MYO16: variants seen among roughly 807,000 people sequenced by gnomAD.
MYO16 encodes unconventional myosin-XVI.
MYO16 carries 94 observed loss-of-function variants against 205.3 expected under a neutral mutation model. The observed-to-expected ratio is 0.46, with a 90% confidence interval of 0.39 to 0.54. The LOEUF (loss-of-function observed/expected upper bound fraction) is 0.54, where lower values mean the gene tolerates loss of function less well. Among genes scored for constraint, MYO16 ranks in the 20% least tolerant of loss-of-function variants. The probability of loss-of-function intolerance (pLI) is 0.00; values close to 1 mark genes in which losing one functional copy is unlikely to be tolerated. For missense variants in MYO16, 2,315 were observed against 2,387.5 expected (o/e 0.97, Z 0.63); for synonymous variants, 988 against 954.0 (o/e 1.04, Z -0.66).
At chr13:109,066,969 C>T (rs1053189063) in intron 27 of MYO16, among the ~76,000 whole-genome samples, 1 of 152,184 alleles carries the variant, frequency 6.6e-6, no homozygotes, top group Non-Finnish European at 1.5e-5. Flanking sequence ...GGTATGATCC[C>T]CCATAACAGC....
At position 109,127,272 on chromosome 13, in the gene MYO16, T is replaced by TC; in HGVS notation, c.3783-5dup. 6.4e-7 allele frequency: 1 copy of TC among 1,558,042 alleles called. No individual in the cohort carries two copies. Among genetic ancestry groups the TC allele is most frequent in the Non-Finnish European group, 8.7e-7 (1 of 1,147,144 alleles). On this transcript the variant is annotated splice_polypyrimidine_tract_variant and intron_variant, in intron 30 of 34. Coordinates refer to ENST00000457511, the MANE Select transcript of MYO16 (RefSeq NM_001198950.3). This position sits in a 1 kb window ranked among gnomAD's most constrained non-coding sequence, Gnocchi z 4.2. The stretch of plus-strand genomic sequence containing the variant: ...GGCGTGGTGCTGTTTGTGTTTTGTT[T>TC]CCCCCTAAGAACCGATGACAAGAGT...
the MYO16 span, among the ~76,000 whole-genome samples, chr13:108,584,149 T>C: frequency 6.6e-5 from 10 of 152,044 alleles, no homozygotes; most frequent in Non-Finnish European, 1.0e-4. Context: ...GAGACGAGTT[T>C]TCACCGGGTT....
At chr13:108,952,199 A>G (rs1020411181) in intron 16 of MYO16, among the ~76,000 whole-genome samples, 4 of 152,292 alleles carry the variant, frequency 2.6e-5, no homozygotes, top group Middle Eastern at 3.4e-3. Context: ...TAAAATTTCT[A>G]TGGAATTGGA....
the MYO16 span, among the ~76,000 whole-genome samples, chr13:108,568,118 A>G: frequency 6.6e-6 from 1 of 152,120 alleles, no homozygotes; most frequent in Non-Finnish European, 1.5e-5. Context: ...CAGTTGATGG[A>G]CATTTGTGTT....
At position 108,994,461 on chromosome 13, in the gene MYO16, T is replaced by C. The variant is rs1165140958; in HGVS notation, c.2442+2013T>C. ...AATCTCATCTTATGATAAGTACAAA[T>C]CTCATCTTTTGACGAGTGCAAATTT... On this transcript the variant is annotated intron_variant, in intron 21 of 34. Transcript: ENST00000457511. Among the ~76,000 whole-genome samples the C allele has an allele frequency of 2.0e-5, 3 of 152,154 alleles. 1 individual carries two copies. The highest frequency in any genetic ancestry group is 6.5e-5 in the Admixed American group (1 of 15,274).
At chr13:108,865,535 A>G (rs1305769499) in intron 11 of MYO16, among the ~76,000 whole-genome samples, 2 of 150,538 alleles carry the variant, frequency 1.3e-5, no homozygotes, top group Admixed American at 6.6e-5. Flanking sequence ...TTTTTAGTCT[A>G]TATGTTTAGG....
At chr13:108,821,458 G>C (rs1875966638) in intron 8 of MYO16, among the ~76,000 whole-genome samples, 1 of 152,104 alleles carries the variant, frequency 6.6e-6, no homozygotes, top group East Asian at 1.9e-4. Flanking sequence ...AACTATATTA[G>C]TATGCTAATG....
chr13:108,893,264 A>G (rs1443522568), intron 14 of MYO16, among the ~76,000 whole-genome samples: 5 of 152,254 alleles, frequency 3.3e-5, no homozygotes, highest in African/African-American at 9.6e-5. Flanking sequence ...AAATCTTTAT[A>G]AAATTAGAGG....
At chr13:109,023,345 A>C (rs937716253) in intron 23 of MYO16, among the ~76,000 whole-genome samples, 89 of 67,136 alleles carry the variant, frequency 1.3e-3, no homozygotes, top group Non-Finnish European at 1.9e-3. Context: ...ATATATATTT[A>C]TATATTATAC....
At chr13:109,017,869 C>A (rs1387738933) in intron 22 of MYO16, among the ~76,000 whole-genome samples, 2 of 151,998 alleles carry the variant, frequency 1.3e-5, no homozygotes, top group East Asian at 1.9e-4. Context: ...TTCGTCTAAT[C>A]TTTTTTCAAG....
chr13:108,665,684 A>C (rs551980359), intron 1 of MYO16, among the ~76,000 whole-genome samples: 1 of 152,324 alleles, frequency 6.6e-6, no homozygotes, highest in Non-Finnish European at 1.5e-5. Context: ...CATTTGTTTT[A>C]TTACCACAGA....
the MYO16 span, among the ~76,000 whole-genome samples, chr13:108,523,299 C>T: frequency 1.3e-5 from 2 of 152,298 alleles, no homozygotes; most frequent in African/African-American, 4.8e-5. Context: ...TTGCACTTTT[C>T]CTGAATTTCC....
intron 10 of MYO16, among the ~76,000 whole-genome samples, chr13:108,845,052 A>G (rs1433231710): frequency 3.3e-5 from 5 of 152,060 alleles, no homozygotes; most frequent in Admixed American, 3.3e-4. Flanking sequence ...CAATTAATGT[A>G]TTTTATTATG....
chr13:108,945,660 C>T (rs560629919), intron 16 of MYO16, among the ~76,000 whole-genome samples: 8 of 151,954 alleles, frequency 5.3e-5, no homozygotes, highest in Non-Finnish European at 8.8e-5. Flanking sequence ...GTTTTATTTA[C>T]TTTATGAGTC....
At chr13:109,119,044 A>C (rs929399158) in intron 28 of MYO16, among the ~76,000 whole-genome samples, 9 of 147,198 alleles carry the variant, frequency 6.1e-5, no homozygotes, top group Non-Finnish European at 1.2e-4. Flanking sequence ...AATCTTTGGC[A>C]AAACTGTGTT....
rs747487216 is a variant in MYO16, at chr13:109,140,984, C to G, written c.4772C>G (p.Pro1591Arg). Residue 1591 changes from proline to arginine, a missense_variant, in exon 32 of 35, where the codon CCG becomes CGG. Pro to Arg is a moderately radical substitution (Grantham distance 103, BLOSUM62 -2). This residue lies in a region of MYO16 where 1,097 missense variants were observed against 1,092.0 expected (regional missense o/e 1.00). Transcript: ENST00000457511. The surrounding 1 kb of genome is among the most constrained non-coding windows in gnomAD (Gnocchi z 8.0). ...ALFNGSGRASPPSTPPPPPPP... is the reference protein window; with the variant it reads ...ALFNGSGRASRPSTPPPPPPP... Reference sequence around the variant, plus strand: ...TTCAACGGGTCCGGCCGAGCCTCCCCGCCGTCCACGCCGCCCCCGCCCCCG... The same window carrying G: ...TTCAACGGGTCCGGCCGAGCCTCCCGGCCGTCCACGCCGCCCCCGCCCCCG... 2.2e-6 allele frequency: 3 copies of G among 1,374,626 alleles called. No homozygotes were observed. The highest frequency in any genetic ancestry group is 6.6e-5 in the Admixed American group (2 of 30,294). The allele number at this position is 1,374,626 out of a possible 1,614,324, so 85.2% of individuals were successfully genotyped here.
intron 2 of MYO16, among the ~76,000 whole-genome samples, chr13:108,677,657 T>A (rs1882290610): frequency 6.6e-6 from 1 of 152,106 alleles, no homozygotes; most frequent in South Asian, 2.1e-4. Context: ...ACTTCCTCTG[T>A]GTCAATTTCT....
intron 2 of MYO16, among the ~76,000 whole-genome samples, chr13:108,686,543 G>T (rs944368109): frequency 4.6e-5 from 7 of 152,140 alleles, no homozygotes; most frequent in Non-Finnish European, 4.4e-5. Context: ...CCCAGCCAGG[G>T]GATATGGAGG....
intron 3 of MYO16, among the ~76,000 whole-genome samples, chr13:108,717,811 A>G (rs974616095): frequency 2.0e-5 from 3 of 152,158 alleles, no homozygotes; most frequent in Admixed American, 2.0e-4. Context: ...GAAATTTTCA[A>G]CAGTGACTCA....
Sources: gnomAD v4.1 joint callset for allele counts (sites outside exome capture counted in the v4.1 genomes callset) on GRCh38, gnomAD v4.1.1 for gene constraint, gnomAD v4.1.1 regional missense constraint, Gnocchi (gnomAD v3.1) non-coding constraint, MANE v1.5 for transcripts, NCBI Gene and HGNC (gene_info 2026-07-23, HGNC 2026-07-21) for gene names.